The following PFKP variants were observed in gnomAD, a reference collection of about 807,000 sequenced individuals.
PFKP encodes the protein phosphofructokinase, platelet.
A neutral mutation model predicts 94.3 loss-of-function variants in PFKP; 101 were observed. The observed-to-expected ratio is 1.07, with a 90% CI of 0.91 to 1.26. PFKP has a LOEUF of 1.26. PFKP is among the 50% of genes most tolerant of loss of function. The probability of loss-of-function intolerance (pLI) is 0.00; values close to 1 mark genes in which losing one functional copy is unlikely to be tolerated. For missense variants in PFKP, 1,145 were observed against 1,103.3 expected, an observed-to-expected ratio of 1.04 and a Z score of -0.53; for synonymous variants, 573 against 432.6, an observed-to-expected ratio of 1.32 and a Z score of -4.03.
At chr10:3,088,986 C>T (rs188718158) in intron 2 of PFKP, among the ~76,000 whole-genome samples, 12 of 152,254 alleles carry the variant, frequency 7.9e-5, no homozygotes, top group African/African-American at 9.6e-5. Context: ...GGCTGGAGTG[C>T]AATGGCCCAG....
chr10:3,082,511 G>A (rs1422228800), intron 2 of PFKP, 50 bp downstream of exon 2: 8 of 1,386,384 alleles, frequency 5.8e-6, no homozygotes, highest in Non-Finnish European at 8.1e-6. Context: ...CCTGCCCAGA[G>A]CCCTGCAGTC....
chr10:3,073,638 T>G (rs1183410107), intron 1 of PFKP, among the ~76,000 whole-genome samples: 1 of 151,592 alleles, frequency 6.6e-6, no homozygotes, highest in East Asian at 1.9e-4. Flanking sequence ...GACCAGGATT[T>G]TGACAGAGAA....
chr10:3,134,668 G>A, intron 20 of PFKP, 86 bp downstream of exon 20: 1 of 841,476 alleles, frequency 1.2e-6, no homozygotes, highest in Non-Finnish European at 2.0e-6. Flanking sequence ...GGGAGAAGTA[G>A]GGTGCTGGTT....
Position 3,118,843 on chromosome 10 carries a change from G to A in PFKP, c.1504G>A (p.Ala502Thr), listed in dbSNP as rs1054961223. 4 of 1,613,502 alleles carry A rather than the reference G, an allele frequency of 2.5e-6. No homozygotes were observed. The highest frequency in any genetic ancestry group is 1.1e-5 in the South Asian group (1 of 90,932). The change falls in exon 15 of 22, where the codon GCG (alanine) becomes ACG (threonine). Residue 502 changes from alanine (A) to threonine (T), a missense_variant. Around this residue, in one of 3 missense-constraint regions of PFKP, gnomAD observed 1,119 missense variants for 1,062.8 expected, o/e 1.05. Coordinates refer to ENST00000381125, the MANE Select transcript of PFKP (RefSeq NM_002627.5). ...ATQMRTHSIN[A>T]LLIIGGFEAY... is the part of the protein sequence containing the mutation. ...ACAGATGCGCACGCACAGCATCAAC[G>A]CGCTGCTGATCATCGGTGGATTCGA...
chr10:3,070,330 C>T (rs1299465244), intron 1 of PFKP: 1 of 152,254 alleles, frequency 6.6e-6, no homozygotes, highest in Non-Finnish European at 1.5e-5. Flanking sequence ...GTAGGTTATT[C>T]CTCGAGAATA....
At chr10:3,134,000 G>A (rs540284318) in intron 19 of PFKP, among the ~76,000 whole-genome samples, 3 of 152,126 alleles carry the variant, frequency 2.0e-5, no homozygotes, top group African/African-American at 4.8e-5. Context: ...AGGCACACAC[G>A]TGTTATGAGC....
chr10:3,100,070 TGTGTGTGTGTGTGTGA>T (rs1190477589), intron 3 of PFKP, among the ~76,000 whole-genome samples: 3 of 132,146 alleles, frequency 2.3e-5, no homozygotes, highest in Non-Finnish European at 4.6e-5. Flanking sequence ...TGTGTGTGTG[TGTGTGTGTGTGTGTGA>T]AAGAGAGTGA....
rs957826323 is a variant in PFKP, at chr10:3,107,209, C to T, written c.775-5C>T. ...TTTGAGAGCTTTAATTTTCTGTCTC[C>T]ACAGAACCGTGCCCGGAAAAAAAGG... On this transcript the variant is annotated splice_region_variant and splice_polypyrimidine_tract_variant and intron_variant, in intron 7 of 21. Transcript: ENST00000381125. The T allele has an allele frequency of 8.9e-6, 14 of 1,580,288 alleles. No homozygotes were observed. The highest frequency in any genetic ancestry group is 1.7e-4 in the Middle Eastern group (1 of 6,008).
intron 15 of PFKP, among the ~76,000 whole-genome samples, chr10:3,119,618 AAAAACAAAGT>A (rs1554774569): frequency 2.6e-5 from 4 of 152,208 alleles, no homozygotes; most frequent in East Asian, 3.9e-4. Flanking sequence ...AAACAAAAAC[AAAAACAAAGT>A]AAGAACCTCA....
chr10:3,080,966 G>T (rs1028390202), intron 1 of PFKP, among the ~76,000 whole-genome samples: 1 of 152,146 alleles, frequency 6.6e-6, no homozygotes, highest in African/African-American at 2.4e-5. Context: ...AGGGTGAGAT[G>T]ACCTGCATTT....
chr10:3,077,262 T>TTTC (rs1564262936), intron 1 of PFKP, among the ~76,000 whole-genome samples: 5 of 30,502 alleles, frequency 1.6e-4, no homozygotes, highest in South Asian at 1.3e-3. Context: ...TTTTTTTTTC[T>TTTC]TTTTTTTTTT....
chr10:3,125,937 G>A (rs1468385220), intron 16 of PFKP, among the ~76,000 whole-genome samples: 1 of 152,186 alleles, frequency 6.6e-6, no homozygotes, highest in East Asian at 1.9e-4. Context: ...CGTGACATGT[G>A]GGGTCACGTC....
intron 10 of PFKP, among the ~76,000 whole-genome samples, chr10:3,111,541 G>T (rs1460686589): frequency 2.0e-5 from 3 of 152,076 alleles, no homozygotes; most frequent in Non-Finnish European, 2.9e-5. Context: ...TAAAGCTGAG[G>T]GACCACTACT....
At chr10:3,077,580 T>TAA (rs200927960) in intron 1 of PFKP, among the ~76,000 whole-genome samples, 42 of 150,444 alleles carry the variant, frequency 2.8e-4, no homozygotes, top group African/African-American at 5.6e-4. Flanking sequence ...CCTTACTTTT[T>TAA]AAAAAAAAAA....
At chr10:3,088,907 A>G (rs1452730424) in intron 2 of PFKP, among the ~76,000 whole-genome samples, 1 of 151,904 alleles carries the variant, frequency 6.6e-6, no homozygotes, top group African/African-American at 2.4e-5. Flanking sequence ...AGAACAGGCA[A>G]TGTTTCTCTT....
In PFKP at chr10:3,105,516, G is replaced by C. The variant is rs376072035; in HGVS notation, c.774+15G>C. 5.1e-6 allele frequency: 8 copies of C among 1,556,352 alleles called. No homozygotes were observed. The highest frequency in any genetic ancestry group is 7.1e-6 in the Non-Finnish European group (8 of 1,127,368). ...AACTCTCGGAGGTAATGCGGGTCCC[G>C]TGGCCGTTGATAGCGGGCGATGCTG... is the stretch of plus-strand genomic sequence containing the variant. On this transcript the variant is annotated intron_variant, in intron 7 of 21. Transcript: ENST00000381125.
chr10:3,118,542 T>C (rs1435156840), intron 14 of PFKP, among the ~76,000 whole-genome samples: 2 of 152,224 alleles, frequency 1.3e-5, no homozygotes, highest in Non-Finnish European at 1.5e-5. Flanking sequence ...TCTTTTTAGG[T>C]CAAGGTATGA....
intron 1 of PFKP, chr10:3,068,798 C>T (rs1831942348): frequency 1.6e-6 from 1 of 642,652 alleles, no homozygotes; most frequent in Non-Finnish European, 1.9e-6. Flanking sequence ...ATCGCGCAGG[C>T]TGGAGACGCG....
intron 8 of PFKP, chr10:3,107,841 C>T (rs971411562): frequency 3.1e-6 from 4 of 1,273,838 alleles, no homozygotes; most frequent in Admixed American, 4.9e-5. Context: ...CAGGCCAGTG[C>T]CTGCCTGTCT....
Sources: gnomAD v4.1 joint callset for allele counts (sites outside exome capture counted in the v4.1 genomes callset) on GRCh38, gnomAD v4.1.1 for gene constraint, gnomAD v4.1.1 regional missense constraint, MANE v1.5 for transcripts, NCBI Gene and HGNC (gene_info 2026-07-23, HGNC 2026-07-21) for gene names.